The following THADA variants were observed in gnomAD, a reference collection of about 807,000 sequenced individuals.
The protein encoded by THADA is tRNA (32-2'-O)-methyltransferase regulator THADA.
In THADA, 213 loss-of-function variants were observed where a neutral mutation model predicts 219.8. The ratio of observed to expected loss-of-function variants is 0.97; its 90% CI spans 0.87 to 1.09. The LOEUF is 1.09. THADA is among the 50% of genes least tolerant of loss of function. The pLI, the probability that THADA is intolerant of heterozygous loss-of-function variation, is 0.00. For synonymous variants in THADA, 1,018 were observed against 828.9 expected, an observed-to-expected ratio of 1.23 and a Z score of -3.92; for missense variants, 2,956 against 2,311.3, an observed-to-expected ratio of 1.28 and a Z score of -5.72.
intron 26 of THADA, among the ~76,000 whole-genome samples, chr2:43,469,114 T>C (rs751197388): frequency 6.6e-6 from 1 of 152,252 alleles, no homozygotes; most frequent in East Asian, 1.9e-4. Context: ...GAAAAAAGCT[T>C]TGGGTTGAAC....
intron 14 of THADA, among the ~76,000 whole-genome samples, chr2:43,567,354 G>A (rs1323144319): frequency 6.6e-6 from 1 of 152,138 alleles, no homozygotes; most frequent in Non-Finnish European, 1.5e-5. Flanking sequence ...CAAGGGCCAG[G>A]CGTGGTGGCT....
At chr2:43,493,430 G>A (rs1162034195) in intron 25 of THADA, among the ~76,000 whole-genome samples, 1 of 152,292 alleles carries the variant, frequency 6.6e-6, no homozygotes, top group South Asian at 2.1e-4. Flanking sequence ...GGGAGGCAGA[G>A]GTTGCAGTGA....
At chr2:43,331,928 C>CACACACACACACACACAT (rs1665824190) in intron 30 of THADA, among the ~76,000 whole-genome samples, 1 of 151,910 alleles carries the variant, frequency 6.6e-6, no homozygotes, top group South Asian at 2.1e-4. Flanking sequence ...TACACACACA[C>CACACACACACACACACAT]ACACACACAC....
At chr2:43,560,179 G>C in intron 16 of THADA, 55 bp downstream of exon 16, 1 of 1,474,514 alleles carries the variant, frequency 6.8e-7, no homozygotes, top group Non-Finnish European at 9.2e-7. Flanking sequence ...TGCTTTATCT[G>C]CTGATAGAAA....
chr2:43,345,994 T>C (rs772269415), intron 29 of THADA, among the ~76,000 whole-genome samples: 11 of 152,152 alleles, frequency 7.2e-5, no homozygotes, highest in South Asian at 2.1e-4. Context: ...TTCTGTCACA[T>C]TGGGTACAAA....
intron 36 of THADA, among the ~76,000 whole-genome samples, chr2:43,241,709 G>A (rs1255189038): frequency 1.3e-5 from 2 of 152,044 alleles, no homozygotes; most frequent in African/African-American, 2.4e-5. Flanking sequence ...AGCTGCTGGA[G>A]CAGAGCGGTG....
chr2:43,294,971 T>C (rs1558535145), intron 31 of THADA, among the ~76,000 whole-genome samples: 1 of 152,172 alleles, frequency 6.6e-6, no homozygotes, highest in South Asian at 2.1e-4. Flanking sequence ...AGAAATTGGG[T>C]AAACCAGCTG....
intron 29 of THADA, among the ~76,000 whole-genome samples, chr2:43,395,024 C>A (rs572279708): frequency 2.8e-4 from 43 of 152,260 alleles, no homozygotes; most frequent in Non-Finnish European, 4.9e-4. Flanking sequence ...AGACACAGAG[C>A]AAAAGACCAT....
Position 43,230,876 on chromosome 2 carries a change from T to A in THADA, c.*72A>T. The A allele has an allele frequency of 6.7e-7, 1 of 1,499,664 alleles. No homozygotes were observed. Among genetic ancestry groups the A allele is most frequent in the Non-Finnish European group, 8.9e-7 (1 of 1,120,948 alleles). 92.9% of individuals were successfully genotyped at this position (1,499,664 alleles called of 1,614,324 possible). On this transcript the variant is annotated 3_prime_UTR_variant, in exon 38 of 38. Coordinates refer to ENST00000405975, the MANE Select transcript of THADA (RefSeq NM_022065.5). The stretch of plus-strand genomic sequence containing the variant: ...TGGGATAAAATTTTTGAATTTATGT[T>A]CAACATGTTTCCTGCAGATTTAGTG...
intron 29 of THADA, among the ~76,000 whole-genome samples, chr2:43,390,149 G>A (rs1487251139): frequency 6.6e-6 from 1 of 152,198 alleles, no homozygotes; most frequent in Non-Finnish European, 1.5e-5. Flanking sequence ...TGGATACTTT[G>A]CTCTTTGCCT....
intron 10 of THADA, among the ~76,000 whole-genome samples, chr2:43,575,511 C>T (rs1278037860): frequency 1.3e-5 from 2 of 152,094 alleles, no homozygotes; most frequent in Non-Finnish European, 2.9e-5. Flanking sequence ...ATATTCACTA[C>T]CTTGACTGTG....
intron 29 of THADA, among the ~76,000 whole-genome samples, chr2:43,374,486 C>T (rs1671157293): frequency 6.6e-6 from 1 of 152,086 alleles, no homozygotes. Context: ...GAAGTGAGGA[C>T]TAATAGTATT....
chr2:43,482,745 G>A (rs1201017269), intron 26 of THADA, among the ~76,000 whole-genome samples: 1 of 152,102 alleles, frequency 6.6e-6, no homozygotes, highest in African/African-American at 2.4e-5. Flanking sequence ...CAAAAAGCAC[G>A]GTCTTAAGAG....
At chr2:43,408,272 T>G (rs1426988774) in intron 28 of THADA, 1 of 152,180 alleles carries the variant, frequency 6.6e-6, no homozygotes, top group Non-Finnish European at 1.5e-5. Flanking sequence ...TCAGGTCAAA[T>G]CACTTACAGT....
chr2:43,566,380 AAG>A (rs1167341307), intron 15 of THADA: 2 of 631,810 alleles, frequency 3.2e-6, no homozygotes, highest in African/African-American at 3.7e-5. Flanking sequence ...TTAAAACTTA[AAG>A]AACAGATTGG....
chr2:43,570,657 A>G (rs1699191907), intron 13 of THADA, 147 bp from the exon 14 acceptor site: 1 of 880,954 alleles, frequency 1.1e-6, no homozygotes, highest in African/African-American at 1.7e-5. Flanking sequence ...TCTTTTTGAC[A>G]GAAAATAATT....
intron 26 of THADA, among the ~76,000 whole-genome samples, chr2:43,454,875 C>T (rs1443147591): frequency 6.6e-6 from 1 of 152,010 alleles, no homozygotes; most frequent in Non-Finnish European, 1.5e-5. Flanking sequence ...GGCAATGCTC[C>T]ATTAACTTCT....
At chr2:43,267,062 TG>T (rs1487417955) in intron 36 of THADA, among the ~76,000 whole-genome samples, 4 of 152,200 alleles carry the variant, frequency 2.6e-5, no homozygotes, top group Non-Finnish European at 5.9e-5. Context: ...GCAAAGCTTG[TG>T]GGCTTGCTTC....
At chr2:43,490,717 T>G (rs764776948) in intron 25 of THADA, among the ~76,000 whole-genome samples, 18 of 152,180 alleles carry the variant, frequency 1.2e-4, no homozygotes, top group Admixed American at 2.6e-4. Context: ...TTAACTTTTA[T>G]TATGGTCTAT....
Sources: gnomAD v4.1 joint callset for allele counts (sites outside exome capture counted in the v4.1 genomes callset) on GRCh38, gnomAD v4.1.1 for gene constraint, MANE v1.5 for transcripts, NCBI Gene and HGNC (gene_info 2026-07-23, HGNC 2026-07-21) for gene names.